The following CEP112 variants were observed in gnomAD, a reference collection of about 807,000 sequenced individuals.
CEP112 encodes centrosomal protein 112.
CEP112 carries 127 observed loss-of-function variants against 153.0 expected under a neutral mutation model. The ratio of observed to expected loss-of-function variants is 0.83; its 90% confidence interval spans 0.72 to 0.96. The LOEUF is 0.96. CEP112 is among the 40% of genes least tolerant of loss of function. CEP112 has a pLI of 0.00. For missense variants in CEP112, 1,089 were observed against 1,101.2 expected (o/e 0.99, Z 0.16); for synonymous variants, 358 against 374.4 (o/e 0.96, Z 0.51).
At chr17:65,773,211 T>G (rs1246026197) in intron 21 of CEP112, among the ~76,000 whole-genome samples, 1 of 152,230 alleles carries the variant, frequency 6.6e-6, no homozygotes. Flanking sequence ...GATTTGAGGC[T>G]GCAAGCTTCT....
intron 21 of CEP112, among the ~76,000 whole-genome samples, chr17:65,816,656 C>A (rs189650926): frequency 9.9e-5 from 15 of 152,048 alleles, no homozygotes; most frequent in Admixed American, 7.2e-4. Flanking sequence ...CCTACCTGAC[C>A]TTGATGTGCT....
intron 24 of CEP112, among the ~76,000 whole-genome samples, chr17:65,657,445 G>A (rs927799813): frequency 1.3e-5 from 2 of 152,190 alleles, no homozygotes; most frequent in Non-Finnish European, 2.9e-5. Context: ...AGTCTGGACA[G>A]GTACATGTTG....
At chr17:66,118,276 T>G (rs781101632) in intron 6 of CEP112, among the ~76,000 whole-genome samples, 1 of 152,206 alleles carries the variant, frequency 6.6e-6, no homozygotes. Flanking sequence ...GCAGCACTAT[T>G]CACAGTAGCC....
intron 12 of CEP112, among the ~76,000 whole-genome samples, chr17:66,046,942 G>C (rs1319381649): frequency 6.6e-6 from 1 of 151,932 alleles, no homozygotes; most frequent in Non-Finnish European, 1.5e-5. Flanking sequence ...AGGTTCTGCT[G>C]GTGTCTTGCT....
At chr17:65,857,025 C>T (rs370063830) in intron 20 of CEP112, among the ~76,000 whole-genome samples, 22 of 152,260 alleles carry the variant, frequency 1.4e-4, no homozygotes, top group African/African-American at 4.3e-4. Context: ...GTGAATACTG[C>T]GATGAAGCAA....
chr17:65,681,424 A>G (rs960378688), intron 24 of CEP112, among the ~76,000 whole-genome samples: 1 of 151,638 alleles, frequency 6.6e-6, no homozygotes, highest in Admixed American at 6.6e-5. Context: ...GGCTTCTGCT[A>G]TATCTGCATC....
intron 20 of CEP112, among the ~76,000 whole-genome samples, chr17:65,897,657 C>T (rs1184917915): frequency 6.6e-6 from 1 of 151,932 alleles, no homozygotes; most frequent in Non-Finnish European, 1.5e-5. Flanking sequence ...ATAATATCTA[C>T]AAAATTATAT....
chr17:65,797,213 G>A (rs2054987403), intron 21 of CEP112: 1 of 152,214 alleles, frequency 6.6e-6, no homozygotes, highest in Admixed American at 6.5e-5. Flanking sequence ...AAGAGTGACT[G>A]GTTCTGCTGG....
chr17:65,994,913 T>A (rs1157338044), intron 17 of CEP112, among the ~76,000 whole-genome samples: 2 of 152,060 alleles, frequency 1.3e-5, no homozygotes, highest in Admixed American at 1.3e-4. Flanking sequence ...TAATCACAAG[T>A]GAGAATGCTG....
At chr17:66,109,488 A>C (rs1309648217) in intron 6 of CEP112, among the ~76,000 whole-genome samples, 3 of 152,134 alleles carry the variant, frequency 2.0e-5, no homozygotes, top group Non-Finnish European at 4.4e-5. Flanking sequence ...AATCAACTGC[A>C]TTTCTGAAAT....
chr17:65,840,308 A>C (rs1262719524), intron 21 of CEP112, among the ~76,000 whole-genome samples: 1 of 152,154 alleles, frequency 6.6e-6, no homozygotes. Flanking sequence ...CTGGCAGAGA[A>C]ATATACACAC....
Position 65,851,844 on chromosome 17 carries a change from T to A in CEP112, c.2354A>T (p.Lys785Ile). Reference protein sequence around the residue: ...AESEKMKIELKKTHAAETEMT... With the variant: ...AESEKMKIELIKTHAAETEMT... ...CTCTGTCTCAGCAGCATGAGTCTTT[T>A]TCAGCTCTATTTTCATCTTTTCTGA... Residue 785 changes from lysine to isoleucine, a missense_variant, in exon 21 of 27, where the codon AAA (lysine) becomes ATA (isoleucine). Lys to Ile is a moderately radical substitution (Grantham distance 102, BLOSUM62 -3). Coordinates refer to ENST00000535342, the MANE Select transcript of CEP112 (RefSeq NM_001199165.4). 6.2e-7 allele frequency: 1 copy of A among 1,614,152 alleles called. No homozygotes were observed.
In CEP112 at chr17:65,635,933, C is replaced by A. The variant is rs779064228; in HGVS notation, c.*38G>T. ...AACCTGCTGGAAGAAGTCCACAGCA[C>A]AGCCTGGAAATTGCATCCGTTGCAT... On this transcript the variant is annotated 3_prime_UTR_variant, in exon 27 of 27. Coordinates refer to ENST00000535342, the MANE Select transcript of CEP112 (RefSeq NM_001199165.4). The A allele has an allele frequency of 6.3e-7, 1 of 1,593,174 alleles. No individual in the cohort carries two copies. The highest frequency in any genetic ancestry group is 1.1e-5 in the South Asian group (1 of 87,692).
At chr17:66,144,724 C>T (rs1225453202) in intron 4 of CEP112, among the ~76,000 whole-genome samples, 1 of 152,072 alleles carries the variant, frequency 6.6e-6, no homozygotes, top group Non-Finnish European at 1.5e-5. Flanking sequence ...TTCATTATTG[C>T]TTTGTAGTAT....
At chr17:65,674,700 A>G (rs573138111) in intron 24 of CEP112, among the ~76,000 whole-genome samples, 7 of 152,372 alleles carry the variant, frequency 4.6e-5, no homozygotes, top group African/African-American at 1.4e-4. Flanking sequence ...CAAGATTACA[A>G]GTGCCACTAC....
At chr17:65,839,955 C>G (rs1192769842) in intron 21 of CEP112, among the ~76,000 whole-genome samples, 1 of 151,678 alleles carries the variant, frequency 6.6e-6, no homozygotes, top group Non-Finnish European at 1.5e-5. Flanking sequence ...ATAAATTTAA[C>G]CAAAAGTAGT....
intron 18 of CEP112, among the ~76,000 whole-genome samples, chr17:65,932,920 T>C (rs117568351): frequency 0.039 from 5,864 of 152,084 alleles, 163 homozygotes; most frequent in South Asian, 0.11. Flanking sequence ...TATAAGAAAA[T>C]ATGGATAGAA....
chr17:66,020,475 G>C (rs552731873), intron 16 of CEP112, among the ~76,000 whole-genome samples: 1 of 152,064 alleles, frequency 6.6e-6, no homozygotes, highest in Non-Finnish European at 1.5e-5. Context: ...CCCCACCCCA[G>C]TACCTAATAT....
At position 66,029,233 on chromosome 17, in the gene CEP112, C is replaced by T; in HGVS notation, c.1393G>A (p.Glu465Lys). The change falls in exon 14 of 27, where the codon GAG (glutamate) becomes AAG (lysine). Residue 465 changes from glutamate (E) to lysine (K), a missense_variant. Glu to Lys is a moderately conservative substitution (Grantham distance 56). Transcript: ENST00000535342. Reference sequence around the variant, plus strand: ...TAATCATTTACAAGATGGTCCTTCTCTTTATGCAGTGTGTTACGCCTAAAA... The same window carrying T: ...TAATCATTTACAAGATGGTCCTTCTTTTTATGCAGTGTGTTACGCCTAAAA... The part of the protein sequence containing the change: ...VKARRNTLHK[E>K]KDHLVNDYEQ... 1 of 1,611,452 alleles carries T rather than the reference C, an allele frequency of 6.2e-7. No individual in the cohort carries two copies. Among genetic ancestry groups the T allele is most frequent in the Non-Finnish European group, 8.5e-7 (1 of 1,178,346 alleles).
Sources: allele counts gnomAD v4.1 joint callset (sites outside exome capture counted in the v4.1 genomes callset), GRCh38; gene constraint gnomAD v4.1.1; transcripts MANE v1.5; gene names NCBI Gene and HGNC (gene_info 2026-07-23, HGNC 2026-07-21).